Variants in NALF1 observed in about 807,000 individuals in gnomAD.
NALF1 encodes family with sequence similarity 155 member A.
In NALF1, 3 loss-of-function variants were observed where a neutral mutation model predicts 48.4. The observed-to-expected ratio is 0.06, with a 90% CI of 0.03 to 0.16. NALF1 has a LOEUF of 0.16. Ranked by LOEUF, NALF1 falls within the 10% of genes least tolerant of loss-of-function variation. The pLI, the probability that NALF1 is intolerant of heterozygous loss-of-function variation, is 1.00. For missense variants in NALF1, 526 were observed against 571.5 expected, an observed-to-expected ratio of 0.92 and a Z score of 0.81; for synonymous variants, 262 against 245.7, an observed-to-expected ratio of 1.07 and a Z score of -0.62.
At chr13:107,395,071 A>G (rs763869756) in intron 1 of NALF1, among the ~76,000 whole-genome samples, 8 of 152,118 alleles carry the variant, frequency 5.3e-5, no homozygotes, top group Non-Finnish European at 8.8e-5. Context: ...TTGCTAAAGA[A>G]ATTAAGGGTC....
intron 1 of NALF1, among the ~76,000 whole-genome samples, chr13:107,653,421 A>G (rs921892535): frequency 6.6e-6 from 1 of 152,046 alleles, no homozygotes; most frequent in African/African-American, 2.4e-5. Context: ...CATTTATTTT[A>G]GTCCCTAGTC....
rs114677558 is a variant in NALF1, at chr13:107,338,432, T to C, written c.916-127677A>G. ...CCTTTCGCCTTTCTCAACAAAAAAA[T>C]AGTGTCAATATATTTACAATAAAGT... is the stretch of plus-strand genomic sequence containing the variant. On this transcript the variant is annotated intron_variant, in intron 1 of 2. Coordinates refer to ENST00000375915, the MANE Select transcript of NALF1 (RefSeq NM_001080396.3). Among the ~76,000 whole-genome samples, 951 of 147,580 alleles carry C rather than the reference T, an allele frequency of 6.4e-3. 7 individuals carry two copies. Among genetic ancestry groups the C allele is most frequent in the Middle Eastern group, 0.01 (3 of 290 alleles).
intron 1 of NALF1, among the ~76,000 whole-genome samples, chr13:107,754,659 G>C (rs1341706849): frequency 6.6e-6 from 1 of 152,130 alleles, no homozygotes; most frequent in Non-Finnish European, 1.5e-5. Flanking sequence ...CAAGGAAGTA[G>C]AGAGCATTTC....
At chr13:107,542,090 A>C (rs960682620) in intron 1 of NALF1, among the ~76,000 whole-genome samples, 3 of 152,108 alleles carry the variant, frequency 2.0e-5, no homozygotes, top group Non-Finnish European at 2.9e-5. Context: ...AATGCCTATC[A>C]AAGGATGAAT....
chr13:107,373,228 C>G (rs558522752), intron 1 of NALF1, among the ~76,000 whole-genome samples: 34 of 152,212 alleles, frequency 2.2e-4, no homozygotes, highest in African/African-American at 8.2e-4. Context: ...CTAACAGGAA[C>G]GTCATATTTT....
At chr13:107,797,725 T>G (rs781093064) in intron 1 of NALF1, among the ~76,000 whole-genome samples, 1 of 152,122 alleles carries the variant, frequency 6.6e-6, no homozygotes, top group Non-Finnish European at 1.5e-5. Flanking sequence ...TATTTGAAGA[T>G]AAATTTCATT....
At chr13:107,711,671 G>A (rs545307206) in intron 1 of NALF1, among the ~76,000 whole-genome samples, 3 of 152,304 alleles carry the variant, frequency 2.0e-5, no homozygotes, top group African/African-American at 4.8e-5. Context: ...GGGAATATCC[G>A]TGTTCCATAA....
At chr13:107,444,997 G>A (rs958069251) in intron 1 of NALF1, among the ~76,000 whole-genome samples, 1 of 152,142 alleles carries the variant, frequency 6.6e-6, no homozygotes, top group Non-Finnish European at 1.5e-5. Context: ...TCCATGAGAC[G>A]TTCTTTCAGC....
chr13:107,826,589 C>T (rs999583786), intron 1 of NALF1, among the ~76,000 whole-genome samples: 4 of 152,182 alleles, frequency 2.6e-5, no homozygotes, highest in Non-Finnish European at 4.4e-5. Flanking sequence ...CTTATAAACA[C>T]TTTTCAGTAA....
chr13:107,835,769 C>T (rs1879871124), intron 1 of NALF1, among the ~76,000 whole-genome samples: 1 of 152,184 alleles, frequency 6.6e-6, no homozygotes, highest in South Asian at 2.1e-4. Context: ...GAGGCTTACT[C>T]TGTGCCAGGC....
intron 1 of NALF1, among the ~76,000 whole-genome samples, chr13:107,780,486 T>C (rs1877857169): frequency 6.6e-6 from 1 of 151,338 alleles, no homozygotes; most frequent in Non-Finnish European, 1.5e-5. Context: ...AGACAACGTA[T>C]TGGAAAAGAG....
intron 1 of NALF1, among the ~76,000 whole-genome samples, chr13:107,693,726 A>G (rs1442657804): frequency 2.0e-5 from 3 of 151,914 alleles, no homozygotes; most frequent in Non-Finnish European, 4.4e-5. Flanking sequence ...CTTGGACCAT[A>G]TGAATCGAAT....
intron 1 of NALF1, among the ~76,000 whole-genome samples, chr13:107,569,769 G>A (rs1877932234): frequency 6.6e-6 from 1 of 152,084 alleles, no homozygotes; most frequent in Non-Finnish European, 1.5e-5. Flanking sequence ...TAAGTTGTCT[G>A]TTTATAAAGA....
intron 1 of NALF1, among the ~76,000 whole-genome samples, chr13:107,842,396 G>C (rs755594613): frequency 2.0e-5 from 3 of 151,950 alleles, no homozygotes; most frequent in Non-Finnish European, 4.4e-5. Flanking sequence ...TAATGGCTAT[G>C]ATTATAATAC....
chr13:107,737,386 T>C (rs1021390500), intron 1 of NALF1, among the ~76,000 whole-genome samples: 4 of 152,220 alleles, frequency 2.6e-5, no homozygotes, highest in African/African-American at 9.6e-5. Flanking sequence ...GTGGAATTCC[T>C]ATTCACTGAA....
At chr13:107,489,326 A>G (rs1885379521) in intron 1 of NALF1, among the ~76,000 whole-genome samples, 1 of 152,162 alleles carries the variant, frequency 6.6e-6, no homozygotes, top group South Asian at 2.1e-4. Flanking sequence ...TAGCCAAGGC[A>G]ATCCTAAACA....
intron 1 of NALF1, among the ~76,000 whole-genome samples, chr13:107,726,368 T>C (rs1258119352): frequency 1.3e-5 from 2 of 152,164 alleles, no homozygotes; most frequent in African/African-American, 4.8e-5. Flanking sequence ...ATGGAATATT[T>C]ATGTCCTTGA....
At chr13:107,387,454 A>G (rs1276546271) in intron 1 of NALF1, among the ~76,000 whole-genome samples, 1 of 151,970 alleles carries the variant, frequency 6.6e-6, no homozygotes, top group East Asian at 1.9e-4. Flanking sequence ...GTCAACCCCC[A>G]CTGATTAGGG....
chr13:107,603,860 C>T (rs1476742873), intron 1 of NALF1, among the ~76,000 whole-genome samples: 8 of 152,254 alleles, frequency 5.3e-5, no homozygotes, highest in African/African-American at 1.9e-4. Context: ...ACATACATTT[C>T]TTAAGCTGTG....
Sources: gnomAD v4.1 joint callset for allele counts (sites outside exome capture counted in the v4.1 genomes callset) on GRCh38, gnomAD v4.1.1 for gene constraint, MANE v1.5 for transcripts, NCBI Gene and HGNC (gene_info 2026-07-23, HGNC 2026-07-21) for gene names.